The following ADGRL3 variants were observed in gnomAD, a reference collection of about 807,000 sequenced individuals.
The protein encoded by ADGRL3 is adhesion G protein-coupled receptor L3.
In ADGRL3, 62 loss-of-function variants were observed where a neutral mutation model predicts 153.5. That is an observed-to-expected ratio of 0.40 (90% CI 0.33 to 0.50). The LOEUF is 0.50. Among genes scored for constraint, ADGRL3 ranks in the 20% least tolerant of loss-of-function variants. ADGRL3 has a pLI of 0.47. For missense variants in ADGRL3, 1,641 were observed against 1,859.4 expected (o/e 0.88, Z 2.16); for synonymous variants, 710 against 672.5 (o/e 1.06, Z -0.86).
intron 5 of ADGRL3, among the ~76,000 whole-genome samples, chr4:61,606,384 G>C (rs767491239): frequency 6.6e-6 from 1 of 152,148 alleles, no homozygotes; most frequent in Non-Finnish European, 1.5e-5. Context: ...CCAGAGATTG[G>C]GTGGCTTGAA....
intron 5 of ADGRL3, among the ~76,000 whole-genome samples, chr4:61,598,285 A>G (rs974578938): frequency 6.6e-6 from 1 of 152,196 alleles, no homozygotes. Context: ...GGGCAACATG[A>G]ACCTCCTGCG....
intron 1 of ADGRL3, among the ~76,000 whole-genome samples, chr4:61,253,483 G>GA (rs759084272): frequency 6.6e-6 from 1 of 151,846 alleles, no homozygotes; most frequent in Non-Finnish European, 1.5e-5. Context: ...CATTTGTTGG[G>GA]AAAAAAGAGA....
chr4:62,031,886 A>G (rs1466996834), intron 23 of ADGRL3, among the ~76,000 whole-genome samples: 1 of 151,052 alleles, frequency 6.6e-6, no homozygotes, highest in Admixed American at 6.6e-5. Context: ...TAATATTCCC[A>G]TTGGTGGCCA....
chr4:61,743,952 T>C (rs1265675350), intron 8 of ADGRL3, among the ~76,000 whole-genome samples: 1 of 152,182 alleles, frequency 6.6e-6, no homozygotes, highest in Non-Finnish European at 1.5e-5. Context: ...GACTTCCCTT[T>C]CCTAGTCAAA....
chr4:61,332,969 C>T (rs976251953), intron 1 of ADGRL3, among the ~76,000 whole-genome samples: 1 of 152,060 alleles, frequency 6.6e-6, no homozygotes, highest in Non-Finnish European at 1.5e-5. Context: ...AAATAGTATA[C>T]ATTATAGAGA....
intron 19 of ADGRL3, among the ~76,000 whole-genome samples, chr4:61,987,065 G>A (rs1284524624): frequency 6.6e-6 from 1 of 150,914 alleles, no homozygotes; most frequent in Non-Finnish European, 1.5e-5. Flanking sequence ...TCCTATCGTC[G>A]AGACTCTTTG....
chr4:61,267,323 G>C (rs1223469057), intron 1 of ADGRL3, among the ~76,000 whole-genome samples: 1 of 151,696 alleles, frequency 6.6e-6, no homozygotes, highest in Non-Finnish European at 1.5e-5. Context: ...CCTCCCCTAA[G>C]AAGGATTCAT....
chr4:61,262,716 T>TA (rs1434871732), intron 1 of ADGRL3, among the ~76,000 whole-genome samples: 3 of 152,118 alleles, frequency 2.0e-5, no homozygotes, highest in Non-Finnish European at 4.4e-5. Flanking sequence ...GCTGAGGACT[T>TA]ATGCTCTCTC....
intron 1 of ADGRL3, among the ~76,000 whole-genome samples, chr4:61,257,016 A>G (rs78292127): frequency 0.075 from 11,488 of 152,244 alleles, 401 homozygotes; most frequent in Non-Finnish European, 0.091. Context: ...ATTATAACAC[A>G]GTATTTCCCA....
chr4:61,712,041 T>C (rs2096002583), intron 6 of ADGRL3, among the ~76,000 whole-genome samples: 1 of 152,128 alleles, frequency 6.6e-6, no homozygotes, highest in Admixed American at 6.6e-5. Context: ...TATTTCACCT[T>C]TGCATTTCAT....
At chr4:61,696,354 TG>T (rs2095642319) in intron 6 of ADGRL3, among the ~76,000 whole-genome samples, 1 of 152,172 alleles carries the variant, frequency 6.6e-6, no homozygotes. Flanking sequence ...GTAAGTTACC[TG>T]AAGATGATAT....
At chr4:61,291,218 GCA>G (rs765771949) in intron 1 of ADGRL3, among the ~76,000 whole-genome samples, 5 of 134,006 alleles carry the variant, frequency 3.7e-5, no homozygotes, top group South Asian at 2.5e-4. Flanking sequence ...ACACACACAC[GCA>G]CACACACACA....
At chr4:61,436,452 T>C (rs1252836385) in intron 2 of ADGRL3, among the ~76,000 whole-genome samples, 1 of 152,200 alleles carries the variant, frequency 6.6e-6, no homozygotes, top group Non-Finnish European at 1.5e-5. Context: ...AAGGAGCTCA[T>C]AGTCTAGTAG....
rs932884578 is a variant in ADGRL3, at chr4:62,077,505, A to G, written c.*6597A>G. The G allele has an allele frequency of 6.6e-6, 1 of 152,032 alleles. No individual in the cohort carries two copies. The highest frequency in any genetic ancestry group is 1.5e-5 in the Non-Finnish European group (1 of 67,912). 9.4% of individuals were successfully genotyped at this position (152,032 alleles called of 1,614,324 possible). On this transcript the variant is annotated 3_prime_UTR_variant, in exon 27 of 27. Coordinates refer to ENST00000683033, the MANE Select transcript of ADGRL3 (RefSeq NM_001387552.1). ...AATGATCCTGACTTCAAAATGAAATATATTGATTGCTCTCAAAAGATGTTT... is the reference window on the plus strand; with the variant it reads ...AATGATCCTGACTTCAAAATGAAATGTATTGATTGCTCTCAAAAGATGTTT...
chr4:61,552,419 T>A (rs979186697), intron 4 of ADGRL3, among the ~76,000 whole-genome samples: 6 of 152,178 alleles, frequency 3.9e-5, no homozygotes, highest in African/African-American at 1.4e-4. Context: ...TTCTTTTGAA[T>A]CTGTTGAAGG....
At chr4:61,873,135 ATAAT>A (rs905502564) in intron 9 of ADGRL3, among the ~76,000 whole-genome samples, 11 of 152,222 alleles carry the variant, frequency 7.2e-5, no homozygotes, top group African/African-American at 2.4e-4. Context: ...GTGAAAGCTA[ATAAT>A]TAGTGATCAT....
intron 11 of ADGRL3, among the ~76,000 whole-genome samples, chr4:61,904,704 T>C (rs1208002321): frequency 2.0e-5 from 3 of 151,952 alleles, no homozygotes; most frequent in Non-Finnish European, 4.4e-5. Context: ...GGAATTACAA[T>C]ATGAAAATAC....
At chr4:61,211,459 T>C (rs1739972348) in intron 1 of ADGRL3, among the ~76,000 whole-genome samples, 1 of 152,170 alleles carries the variant, frequency 6.6e-6, no homozygotes, top group African/African-American at 2.4e-5. Flanking sequence ...TGTGGACGAA[T>C]GGATAGTTAG....
intron 1 of ADGRL3, among the ~76,000 whole-genome samples, chr4:61,300,855 T>G (rs2094559758): frequency 6.7e-6 from 1 of 148,868 alleles, no homozygotes; most frequent in Admixed American, 6.9e-5. Flanking sequence ...AGGCTCCGCC[T>G]CACGGGTTCA....
Sources: allele counts gnomAD v4.1 joint callset (sites outside exome capture counted in the v4.1 genomes callset), GRCh38; gene constraint gnomAD v4.1.1; transcripts MANE v1.5; gene names NCBI Gene and HGNC (gene_info 2026-07-23, HGNC 2026-07-21).